STXBP6: variants seen among roughly 807,000 people sequenced by gnomAD.
STXBP6 encodes the protein syntaxin-binding protein 6.
Under a neutral mutation model 26.9 loss-of-function variants are expected in STXBP6, and 21 were observed. The observed-to-expected ratio is 0.78, with a 90% CI of 0.55 to 1.12. STXBP6 has a LOEUF of 1.12. Ranked by LOEUF, STXBP6 falls within the 50% of genes most tolerant of loss-of-function variation. STXBP6 has a pLI of 0.00. For missense variants in STXBP6, 232 were observed against 257.9 expected, an observed-to-expected ratio of 0.90 and a Z score of 0.69; for synonymous variants, 97 against 92.6, an observed-to-expected ratio of 1.05 and a Z score of -0.27.
chr14:24,857,240 C>T, intron 2 of STXBP6, 83 bp from the exon 3 acceptor site: 5 of 1,565,274 alleles, frequency 3.2e-6, no homozygotes, highest in Non-Finnish European at 3.5e-6. Flanking sequence ...TACAGGACAC[C>T]TACTGTGTAT....
At position 25,009,180 on chromosome 14, in the gene STXBP6, G is replaced by A. The variant is rs535889110; in HGVS notation, c.-32-34330C>T. On this transcript the variant is annotated intron_variant, in intron 1 of 5. Coordinates refer to ENST00000323944, the MANE Select transcript of STXBP6 (RefSeq NM_001394410.1). ...CAACTATCGAACTGTATTATAAGAC[G>A]TCAAGTTAAGGACGTCTTAAAGCAA... Among the ~76,000 whole-genome samples, 10 of 152,152 alleles carry A rather than the reference G, an allele frequency of 6.6e-5. No individual in the cohort carries two copies. The East Asian group carries it at 7.7e-4, about 12-fold the overall frequency.
intron 2 of STXBP6, among the ~76,000 whole-genome samples, chr14:24,943,988 C>CA (rs55760323): frequency 0.8 from 121,560 of 151,568 alleles, 48,800 homozygotes; most frequent in African/African-American, 0.85. Context: ...TTTCCCTCCC[C>CA]AAAAGTTTTA....
At chr14:25,008,813 T>G (rs956559408) in intron 1 of STXBP6, among the ~76,000 whole-genome samples, 2 of 152,226 alleles carry the variant, frequency 1.3e-5, no homozygotes, top group Admixed American at 6.5e-5. Context: ...CAGAAGCTTT[T>G]AGAATAGCAA....
At chr14:25,024,224 G>C (rs1258245209) in intron 1 of STXBP6, among the ~76,000 whole-genome samples, 1 of 151,918 alleles carries the variant, frequency 6.6e-6, no homozygotes, top group Non-Finnish European at 1.5e-5. Flanking sequence ...CAGAAGAATT[G>C]CTTTAACCTG....
chr14:24,861,101 T>C (rs2069523230), intron 2 of STXBP6, among the ~76,000 whole-genome samples: 1 of 152,120 alleles, frequency 6.6e-6, no homozygotes, highest in Non-Finnish European at 1.5e-5. Flanking sequence ...TAGTTTGATG[T>C]TCAGGGTGGC....
At chr14:24,850,285 C>G (rs2069103945) in intron 4 of STXBP6, among the ~76,000 whole-genome samples, 1 of 151,940 alleles carries the variant, frequency 6.6e-6, no homozygotes, top group Non-Finnish European at 1.5e-5. Context: ...TTTAGCATAC[C>G]AATCAGCAGG....
chr14:24,862,735 T>C (rs1440251580), intron 2 of STXBP6, among the ~76,000 whole-genome samples: 3 of 152,096 alleles, frequency 2.0e-5, no homozygotes, highest in Non-Finnish European at 4.4e-5. Flanking sequence ...GTAAAGCAGT[T>C]TGGGTAAGTC....
intron 2 of STXBP6, among the ~76,000 whole-genome samples, chr14:24,966,955 A>AT (rs1255405603): frequency 6.6e-6 from 1 of 152,218 alleles, no homozygotes; most frequent in East Asian, 1.9e-4. Flanking sequence ...TCGAGACATG[A>AT]TTATCACTAA....
intron 2 of STXBP6, among the ~76,000 whole-genome samples, chr14:24,957,535 T>G (rs1465120042): frequency 6.6e-6 from 1 of 152,214 alleles, no homozygotes; most frequent in Non-Finnish European, 1.5e-5. Flanking sequence ...GGCAGATAAC[T>G]GACAACTTTT....
intron 1 of STXBP6, among the ~76,000 whole-genome samples, chr14:25,009,719 C>A (rs539212979): frequency 1.3e-5 from 2 of 152,278 alleles, no homozygotes; most frequent in African/African-American, 4.8e-5. Context: ...CATGTAGCCT[C>A]TTCATGCAAA....
At chr14:24,956,198 G>T (rs8019855) in intron 2 of STXBP6, among the ~76,000 whole-genome samples, 6,573 of 152,084 alleles carry the variant, frequency 0.043, 456 homozygotes, top group African/African-American at 0.15. Context: ...AAAAATCACT[G>T]CATCTTTGAA....
intron 4 of STXBP6, among the ~76,000 whole-genome samples, chr14:24,840,043 A>T (rs915316025): frequency 1.3e-5 from 2 of 152,144 alleles, no homozygotes; most frequent in African/African-American, 4.8e-5. Flanking sequence ...CTAGTGTTTC[A>T]GGTATATTAT....
intron 1 of STXBP6, among the ~76,000 whole-genome samples, chr14:25,007,908 T>C (rs1000285661): frequency 2.0e-5 from 3 of 152,148 alleles, no homozygotes; most frequent in Admixed American, 6.5e-5. Flanking sequence ...CCAAATAAAC[T>C]GAGAATGGAC....
intron 1 of STXBP6, among the ~76,000 whole-genome samples, chr14:25,024,080 T>TG (rs2075305082): frequency 6.6e-6 from 1 of 151,710 alleles, no homozygotes; most frequent in African/African-American, 2.4e-5. Flanking sequence ...GAGGCCGAGG[T>TG]GGGCAGATCA....
At chr14:24,930,892 A>T (rs913757587) in intron 2 of STXBP6, among the ~76,000 whole-genome samples, 6 of 149,428 alleles carry the variant, frequency 4.0e-5, no homozygotes, top group African/African-American at 1.5e-4. Context: ...CGGGTGGATC[A>T]TGAGGTCAGG....
chr14:24,846,865 T>C (rs2068981544), intron 4 of STXBP6, among the ~76,000 whole-genome samples: 2 of 152,310 alleles, frequency 1.3e-5, no homozygotes, highest in African/African-American at 4.8e-5. Flanking sequence ...ATCAGAAACA[T>C]GGTTAAAATT....
intron 1 of STXBP6, among the ~76,000 whole-genome samples, chr14:24,989,489 G>C (rs1410119405): frequency 6.6e-6 from 1 of 152,168 alleles, no homozygotes; most frequent in Non-Finnish European, 1.5e-5. Context: ...ATATCACATA[G>C]TCATCTTAGA....
chr14:24,820,673 T>C (rs1467216893), intron 4 of STXBP6, among the ~76,000 whole-genome samples: 2 of 152,192 alleles, frequency 1.3e-5, no homozygotes, highest in Non-Finnish European at 2.9e-5. Flanking sequence ...TAATAACCCA[T>C]CCATGCTGCT....
intron 2 of STXBP6, among the ~76,000 whole-genome samples, chr14:24,913,263 C>T (rs1374307224): frequency 6.6e-6 from 1 of 152,088 alleles, no homozygotes; most frequent in Non-Finnish European, 1.5e-5. Flanking sequence ...AGATGAGGAC[C>T]AGTTAATAAG....
Sources: allele counts gnomAD v4.1 joint callset (sites outside exome capture counted in the v4.1 genomes callset), GRCh38; gene constraint gnomAD v4.1.1; transcripts MANE v1.5; gene names NCBI Gene and HGNC (gene_info 2026-07-23, HGNC 2026-07-21).